Variants in SMG6 observed in about 807,000 individuals in gnomAD.
SMG6 encodes telomerase-binding protein EST1A.
A neutral mutation model predicts 142.2 loss-of-function variants in SMG6; 66 were observed. That is an observed-to-expected ratio of 0.46 (90% CI 0.38 to 0.57). The LOEUF is 0.57. SMG6 is among the 20% of genes least tolerant of loss of function. The probability of loss-of-function intolerance (pLI) is 0.00; values close to 1 mark genes in which losing one functional copy is unlikely to be tolerated. For synonymous variants in SMG6, 779 were observed against 702.4 expected (o/e 1.11, Z -1.72); for missense variants, 1,793 against 1,832.0 (o/e 0.98, Z 0.39).
At chr17:2,101,322 G>A (rs2069000907) in intron 13 of SMG6, 1 of 152,162 alleles carries the variant, frequency 6.6e-6, no homozygotes, top group Admixed American at 6.5e-5. Context: ...GACTGGTCTT[G>A]AACTCCTGGT....
At chr17:2,088,891 T>C (rs2068638756) in intron 13 of SMG6, 1 of 955,970 alleles carries the variant, frequency 1.0e-6, no homozygotes, top group Non-Finnish European at 1.2e-6. Flanking sequence ...GATGCTGGAG[T>C]TCTGTAGGAG....
chr17:2,234,497 A>C (rs1001139498), intron 10 of SMG6, among the ~76,000 whole-genome samples: 1 of 151,998 alleles, frequency 6.6e-6, no homozygotes, highest in African/African-American at 2.4e-5. Context: ...TCCTGACCTC[A>C]GGTGATCTGC....
intron 15 of SMG6, among the ~76,000 whole-genome samples, chr17:2,078,805 G>A (rs1012025296): frequency 5.9e-5 from 9 of 152,172 alleles, no homozygotes; most frequent in Non-Finnish European, 1.2e-4. Flanking sequence ...GAGAAGACAA[G>A]GGGTCATTCA....
At chr17:2,135,633 G>GT (rs1567626182) in intron 13 of SMG6, among the ~76,000 whole-genome samples, 2 of 152,198 alleles carry the variant, frequency 1.3e-5, no homozygotes, top group African/African-American at 4.8e-5. Flanking sequence ...CACTAGAAAT[G>GT]TGACTAGTGT....
Position 2,300,021 on chromosome 17 carries a change from G to C in SMG6, c.732C>G (p.Tyr244Ter). ...ARGRPGSAKRYSRSDKRRNRY... is the reference protein window; with the variant it reads ...ARGRPGSAKR ...GATTCCTTCGTTTGTCTGAGCGGGA[G>C]TAGCGCTTTGCGGAGCCCGGCCTCC... The change falls in exon 2 of 19, where the codon TAC becomes TAG. Residue 244 changes from tyrosine to a stop codon, truncating the protein, a stop_gained. Coordinates refer to ENST00000263073, the MANE Select transcript of SMG6 (RefSeq NM_017575.5). LOFTEE classifies it high-confidence loss of function. 6.2e-7 allele frequency: 1 copy of C among 1,614,200 alleles called. No individual in the cohort carries two copies. The highest frequency in any genetic ancestry group is 8.5e-7 in the Non-Finnish European group (1 of 1,180,044).
At chr17:2,154,418 C>A (rs1281511904) in intron 13 of SMG6, among the ~76,000 whole-genome samples, 1 of 152,112 alleles carries the variant, frequency 6.6e-6, no homozygotes, top group East Asian at 1.9e-4. Flanking sequence ...TTACAGACAA[C>A]ACTATAAAAC....
chr17:2,296,454 T>C (rs1423382068), intron 4 of SMG6, among the ~76,000 whole-genome samples: 3 of 152,026 alleles, frequency 2.0e-5, no homozygotes, highest in Non-Finnish European at 2.9e-5. Context: ...ATATCAGGGG[T>C]CCCCAGCCCC....
intron 13 of SMG6, among the ~76,000 whole-genome samples, chr17:2,139,425 C>CTTTCT (rs1555543142): frequency 5.0e-5 from 7 of 139,250 alleles, no homozygotes; most frequent in East Asian, 2.1e-4. Context: ...CTGCTTTTTT[C>CTTTCT]TTTTTTTTTT....
At chr17:2,200,362 A>G (rs1380153313) in intron 10 of SMG6, among the ~76,000 whole-genome samples, 1 of 151,790 alleles carries the variant, frequency 6.6e-6, no homozygotes, top group Non-Finnish European at 1.5e-5. Context: ...TGTATTCCTT[A>G]TTTTTTTTAA....
chr17:2,100,837 G>C (rs1455751127), intron 13 of SMG6, among the ~76,000 whole-genome samples: 1 of 151,810 alleles, frequency 6.6e-6, no homozygotes, highest in African/African-American at 2.4e-5. Context: ...GTGAGCCACA[G>C]CACCTGGCCA....
chr17:2,099,792 T>C (rs558495056), intron 13 of SMG6, among the ~76,000 whole-genome samples: 2 of 152,340 alleles, frequency 1.3e-5, no homozygotes, highest in East Asian at 1.9e-4. Context: ...CATCTGAACA[T>C]GAAAAGGCAT....
At chr17:2,119,815 C>T (rs192625436) in intron 13 of SMG6, among the ~76,000 whole-genome samples, 95 of 152,288 alleles carry the variant, frequency 6.2e-4, no homozygotes, top group African/African-American at 2.1e-3. Flanking sequence ...ACGCCCGCTG[C>T]CATGCCTGGC....
At chr17:2,113,181 G>A (rs1247356449) in intron 13 of SMG6, among the ~76,000 whole-genome samples, 1 of 151,868 alleles carries the variant, frequency 6.6e-6, no homozygotes, top group Non-Finnish European at 1.5e-5. Flanking sequence ...TCCTCCCCGC[G>A]ACTTCAGCCT....
intron 13 of SMG6, among the ~76,000 whole-genome samples, chr17:2,144,122 G>A (rs550744519): frequency 7.4e-6 from 1 of 135,786 alleles, no homozygotes; most frequent in African/African-American, 2.7e-5. Flanking sequence ...GCAATGGTGC[G>A]ATCTCGGCTC....
intron 10 of SMG6, among the ~76,000 whole-genome samples, chr17:2,192,900 C>G (rs1049765144): frequency 3.3e-5 from 5 of 152,212 alleles, no homozygotes; most frequent in Non-Finnish European, 5.9e-5. Context: ...GCAGAGATGT[C>G]TTTTCATCAT....
At chr17:2,198,316 G>C (rs1292226081) in intron 10 of SMG6, among the ~76,000 whole-genome samples, 1 of 152,184 alleles carries the variant, frequency 6.6e-6, no homozygotes, top group Non-Finnish European at 1.5e-5. Flanking sequence ...CAGATTAGTG[G>C]TTGCCAGGGG....
At chr17:2,158,785 C>A (rs952994351) in intron 13 of SMG6, among the ~76,000 whole-genome samples, 1 of 149,438 alleles carries the variant, frequency 6.7e-6, no homozygotes, top group South Asian at 2.1e-4. Context: ...GGTGTGGTGG[C>A]GTGCACCCAT....
chr17:2,076,973 C>T (rs2068277362), intron 15 of SMG6, among the ~76,000 whole-genome samples: 1 of 152,166 alleles, frequency 6.6e-6, no homozygotes, highest in Non-Finnish European at 1.5e-5. Flanking sequence ...GAGGAGACCT[C>T]CAATTCTGAA....
chr17:2,283,655 G>A lies in SMG6; in HGVS notation c.2418C>T (p.Leu806=), dbSNP rs1567746805. ...GCTTGGTCTCTTCAAACAAGCTCAT[G>A]AGACTCTCCTTGGCAGTCAGGATAG... ...SNPILTAKES[L]MSLFEETKRK... is the part of the protein sequence containing the mutation. The change falls in exon 7 of 19, where the codon CTC becomes CTT. Residue 806 remains leucine, a synonymous_variant. Transcript: ENST00000263073. 2 of 1,614,164 alleles carry A rather than the reference G, an allele frequency of 1.2e-6. No individual in the cohort carries two copies. Among genetic ancestry groups the A allele is most frequent in the South Asian group, 1.1e-5 (1 of 91,078 alleles).
Sources: gnomAD v4.1 joint callset for allele counts (sites outside exome capture counted in the v4.1 genomes callset) on GRCh38, gnomAD v4.1.1 for gene constraint, MANE v1.5 for transcripts, NCBI Gene and HGNC (gene_info 2026-07-23, HGNC 2026-07-21) for gene names.